The following ASTN2 variants were observed in gnomAD, a reference collection of about 807,000 sequenced individuals.
ASTN2 encodes the protein astrotactin 2.
In ASTN2, 54 loss-of-function variants were observed where a neutral mutation model predicts 139.8. That is an observed-to-expected ratio of 0.39 (90% CI 0.31 to 0.48). The LOEUF (loss-of-function observed/expected upper bound fraction) is 0.48, where lower values mean the gene tolerates loss of function less well. ASTN2 is among the 20% of genes least tolerant of loss of function. The pLI is 0.95. For missense variants in ASTN2, 1,565 were observed against 1,725.1 expected (o/e 0.91, Z 1.64); for synonymous variants, 756 against 719.5 (o/e 1.05, Z -0.81).
chr9:116,475,662 G>A (rs1050193177), intron 20 of ASTN2, among the ~76,000 whole-genome samples: 2 of 152,178 alleles, frequency 1.3e-5, no homozygotes, highest in Non-Finnish European at 2.9e-5. Context: ...CGTTCTTCAT[G>A]GTCATCATTT....
At chr9:116,914,468 A>G (rs1280315199) in intron 10 of ASTN2, among the ~76,000 whole-genome samples, 1 of 152,064 alleles carries the variant, frequency 6.6e-6, no homozygotes, top group African/African-American at 2.4e-5. Flanking sequence ...ACTGAGTAAT[A>G]ATAATAATAA....
chr9:116,888,610 C>T (rs1412318650), intron 10 of ASTN2, among the ~76,000 whole-genome samples: 2 of 152,020 alleles, frequency 1.3e-5, no homozygotes, highest in Non-Finnish European at 2.9e-5. Flanking sequence ...GCAACCTCCA[C>T]CTCCCAGGTT....
intron 5 of ASTN2, among the ~76,000 whole-genome samples, chr9:117,080,735 CAG>C (rs1828405091): frequency 6.6e-6 from 1 of 152,076 alleles, no homozygotes; most frequent in Non-Finnish European, 1.5e-5. Flanking sequence ...ATCCTTAGAG[CAG>C]AGAGATGAGC....
chr9:117,247,726 C>T (rs1365255604), intron 2 of ASTN2, among the ~76,000 whole-genome samples: 1 of 152,222 alleles, frequency 6.6e-6, no homozygotes, highest in Non-Finnish European at 1.5e-5. Flanking sequence ...TCTGGCTCTG[C>T]TTCCCTTCTG....
intron 3 of ASTN2, among the ~76,000 whole-genome samples, chr9:117,201,282 C>G (rs534141952): frequency 1.3e-5 from 2 of 152,098 alleles, no homozygotes; most frequent in East Asian, 3.9e-4. Context: ...ATTAGTCTAG[C>G]TAGCAGTCTA....
At chr9:116,763,371 G>A (rs965512040) in intron 13 of ASTN2, among the ~76,000 whole-genome samples, 1 of 152,056 alleles carries the variant, frequency 6.6e-6, no homozygotes, top group Non-Finnish European at 1.5e-5. Context: ...TTTTGGAAGT[G>A]AGTATCACTC....
intron 16 of ASTN2, among the ~76,000 whole-genome samples, chr9:116,692,276 G>A (rs1256718066): frequency 1.3e-5 from 2 of 152,162 alleles, no homozygotes; most frequent in African/African-American, 4.8e-5. Flanking sequence ...ATTTCTAGGA[G>A]GGCTTAGAAT....
At chr9:116,456,355 G>A (rs1848332517) in intron 20 of ASTN2, among the ~76,000 whole-genome samples, 1 of 151,894 alleles carries the variant, frequency 6.6e-6, no homozygotes, top group South Asian at 2.1e-4. Flanking sequence ...AATTGAAGAG[G>A]ACACACAAAA....
At chr9:117,290,635 T>G (rs943384256) in intron 2 of ASTN2, among the ~76,000 whole-genome samples, 1 of 152,234 alleles carries the variant, frequency 6.6e-6, no homozygotes, top group African/African-American at 2.4e-5. Flanking sequence ...TGGTAGATAC[T>G]CAAGAAATTC....
At chr9:116,651,452 G>A in intron 17 of ASTN2, 76 bp downstream of exon 17, 1 of 1,520,826 alleles carries the variant, frequency 6.6e-7, no homozygotes, top group African/African-American at 1.4e-5. Context: ...CAATACCCCT[G>A]GACAAAGGGT....
chr9:116,667,655 A>G (rs1858948057), intron 16 of ASTN2, among the ~76,000 whole-genome samples: 1 of 152,204 alleles, frequency 6.6e-6, no homozygotes, highest in Non-Finnish European at 1.5e-5. Flanking sequence ...TTGCTGGGAA[A>G]TAGAATGAGG....
At chr9:117,120,875 C>T (rs556979427) in intron 4 of ASTN2, among the ~76,000 whole-genome samples, 3 of 152,140 alleles carry the variant, frequency 2.0e-5, no homozygotes, top group Non-Finnish European at 1.5e-5. Context: ...ATTTAATTCA[C>T]CAGTCTTGTC....
In ASTN2 at chr9:117,364,990, CACACACACAA is replaced by C. The variant is rs1219125576; in HGVS notation, c.442+49497_442+49506del. Among the ~76,000 whole-genome samples the C allele has an allele frequency of 5.2e-4, 77 of 147,280 alleles. 1 individual carries two copies. Among genetic ancestry groups the C allele is most frequent in the African/African-American group, 1.8e-3 (73 of 39,598 alleles). On this transcript the variant is annotated intron_variant, in intron 1 of 22. Coordinates refer to ENST00000313400, the MANE Select transcript of ASTN2 (RefSeq NM_001365068.1). ...ACACACACACACACACACACACACA[CACACACACAA>C]AATCAGCCATGCATTATGGCATGCA...
At chr9:116,587,708 C>T (rs1026458126) in intron 19 of ASTN2, among the ~76,000 whole-genome samples, 1 of 152,176 alleles carries the variant, frequency 6.6e-6, no homozygotes, top group Non-Finnish European at 1.5e-5. Flanking sequence ...GGTTAAGTCA[C>T]TGTCCCCTTC....
Position 116,632,196 on chromosome 9 carries a change from GAA to G in ASTN2, c.3073-11755_3073-11754del, listed in dbSNP as rs1491279804. ...AGAGAGAGAGAGAGGGAGAGAGAGA[GAA>G]AGAAAGAAAAGAAAGAAAGAAAGAA... On this transcript the variant is annotated intron_variant, in intron 17 of 22. Transcript: ENST00000313400. 1.1e-3 allele frequency among the ~76,000 whole-genome samples: 25 copies of G among 21,772 alleles called. No homozygotes were observed. In the East Asian group the frequency reaches 0.032, roughly 28 times the overall value. 14.3% of individuals were successfully genotyped at this position (21,772 alleles called of 152,430 possible).
chr9:117,145,048 CTG>C (rs1830164553), intron 3 of ASTN2, among the ~76,000 whole-genome samples: 1 of 151,986 alleles, frequency 6.6e-6, no homozygotes, highest in Admixed American at 6.6e-5. Flanking sequence ...CGTAGGTAAA[CTG>C]TGTGTCATGG....
chr9:117,385,917 G>T (rs967975719), intron 1 of ASTN2, among the ~76,000 whole-genome samples: 1 of 152,142 alleles, frequency 6.6e-6, no homozygotes, highest in African/African-American at 2.4e-5. Context: ...GGTGGCAGCA[G>T]GGAATGCCCA....
chr9:117,021,891 C>T (rs890591277), intron 6 of ASTN2, among the ~76,000 whole-genome samples: 3 of 152,168 alleles, frequency 2.0e-5, no homozygotes, highest in Non-Finnish European at 4.4e-5. Flanking sequence ...GCTATTCTTA[C>T]ACTATTTCTA....
rs757735486 is a variant in ASTN2 at position 116,500,258 on chromosome 9, A to ACC, written c.3356-12760_3356-12759dup. 5.3e-5 allele frequency among the ~76,000 whole-genome samples: 8 copies of ACC among 152,196 alleles called. No individual in the cohort carries two copies. The South Asian group carries it at 1.0e-3, about 20-fold the overall frequency. On this transcript the variant is annotated intron_variant, in intron 19 of 22. Coordinates refer to ENST00000313400, the MANE Select transcript of ASTN2 (RefSeq NM_001365068.1). ...TTAGTTTACAATGTATGCCTCCACC[A>ACC]CCTCATTAAATTTAAGCTTCACAAG...
Sources: allele counts gnomAD v4.1 joint callset (sites outside exome capture counted in the v4.1 genomes callset), GRCh38; gene constraint gnomAD v4.1.1; transcripts MANE v1.5; gene names NCBI Gene and HGNC (gene_info 2026-07-23, HGNC 2026-07-21).